The following IFT81 variants were observed in gnomAD, a reference collection of about 807,000 sequenced individuals.
IFT81 encodes the protein intraflagellar transport 81, also known as intraflagellar transport protein 81 homolog.
Under a neutral mutation model 102.6 loss-of-function variants are expected in IFT81, and 72 were observed. That is an observed-to-expected ratio of 0.70 (90% CI 0.58 to 0.85). The LOEUF (loss-of-function observed/expected upper bound fraction) is 0.85. Ranked by LOEUF, IFT81 falls within the 40% of genes least tolerant of loss-of-function variation. The pLI is 0.00. For missense variants in IFT81, 723 were observed against 787.3 expected (o/e 0.92, Z 0.98); for synonymous variants, 237 against 242.7 (o/e 0.98, Z 0.22).
intron 10 of IFT81, among the ~76,000 whole-genome samples, chr12:110,154,628 C>CAAAAAAAAAA (rs201856295): frequency 1.9e-5 from 1 of 53,642 alleles, no homozygotes; most frequent in Non-Finnish European, 4.0e-5. Context: ...CTCTGTCTCA[C>CAAAAAAAAAA]AAAAAAAAAA....
chr12:110,191,000 T>A lies in IFT81; in HGVS notation c.1419T>A (p.Ser473Arg). The change falls in exon 13 of 19, where the codon AGT becomes AGA. Residue 473 changes from serine (S) to arginine (R), a missense_variant. Ser to Arg is a moderately radical substitution (Grantham distance 110, BLOSUM62 -1). Coordinates refer to ENST00000242591, the MANE Select transcript of IFT81 (RefSeq NM_014055.4). The part of the protein sequence containing the change: ...EELERVSALK[S>R]EVDEMKGRTL... ...TAGAAAGAGTATCTGCACTGAAGAG[T>A]GAAGTTGATGAAATGAAAGGACGAA... 6.2e-7 allele frequency: 1 copy of A among 1,608,312 alleles called. No individual in the cohort carries two copies. Among genetic ancestry groups the A allele is most frequent in the Non-Finnish European group, 8.5e-7 (1 of 1,177,620 alleles).
intron 9 of IFT81, among the ~76,000 whole-genome samples, chr12:110,145,253 G>A (rs2137367417): frequency 6.6e-6 from 1 of 151,476 alleles, no homozygotes; most frequent in East Asian, 1.9e-4. Context: ...GCATGGTCTT[G>A]ACCTCCCAGA....
Position 110,135,452 on chromosome 12 carries a change from GT to G in IFT81, c.696+18del. On this transcript the variant is annotated intron_variant, in intron 7 of 18. Transcript: ENST00000242591. ...AAAAGAATCAGGTATCCACATAAAAGTTTATATTCTCAGTATGAAGGAAATA... is the reference window on the plus strand; with the variant it reads ...AAAAGAATCAGGTATCCACATAAAAGTTATATTCTCAGTATGAAGGAAATA... 1 of 1,441,412 alleles carries G rather than the reference GT, an allele frequency of 6.9e-7. No individual in the cohort carries two copies. Among genetic ancestry groups the G allele is most frequent in the Non-Finnish European group, 9.7e-7 (1 of 1,030,488 alleles). The allele number at this position is 1,441,412 out of a possible 1,614,324, so 89.3% of individuals were successfully genotyped here. A position where few individuals can be genotyped will look rare whatever the true frequency, so the allele number is the denominator to read the frequency against.
intron 14 of IFT81, among the ~76,000 whole-genome samples, chr12:110,200,479 A>G (rs575794609): frequency 6.6e-6 from 1 of 152,290 alleles, no homozygotes; most frequent in South Asian, 2.1e-4. Context: ...ACTTACCATG[A>G]ATGGAGCTTG....
intron 4 of IFT81, 74 bp downstream of exon 4, chr12:110,129,204 T>G: frequency 8.9e-7 from 1 of 1,128,040 alleles, no homozygotes; most frequent in Non-Finnish European, 1.3e-6. Flanking sequence ...CATGTTACTC[T>G]TTTTTTATTT....
intron 4 of IFT81, among the ~76,000 whole-genome samples, chr12:110,129,983 C>T (rs1303631354): frequency 6.6e-6 from 1 of 152,120 alleles, no homozygotes; most frequent in Non-Finnish European, 1.5e-5. Context: ...GAGACAGGTG[C>T]CATGTCTTAT....
At chr12:110,196,305 G>A (rs1204219388) in intron 14 of IFT81, among the ~76,000 whole-genome samples, 1 of 152,144 alleles carries the variant, frequency 6.6e-6, no homozygotes, top group Non-Finnish European at 1.5e-5. Flanking sequence ...GATCACTTGA[G>A]GTCAGGAGTT....
At chr12:110,213,094 C>T (rs1869674345) in intron 18 of IFT81, among the ~76,000 whole-genome samples, 1 of 152,056 alleles carries the variant, frequency 6.6e-6, no homozygotes, top group South Asian at 2.1e-4. Flanking sequence ...ATACCATTAT[C>T]CTACCGAAAA....
intron 12 of IFT81, among the ~76,000 whole-genome samples, chr12:110,181,562 A>G (rs925598954): frequency 6.6e-6 from 1 of 152,172 alleles, no homozygotes; most frequent in African/African-American, 2.4e-5. Context: ...TTTCATGTGC[A>G]GTGAAGAGAA....
At chr12:110,182,585 G>A (rs531808804) in intron 12 of IFT81, among the ~76,000 whole-genome samples, 68 of 152,226 alleles carry the variant, frequency 4.5e-4, no homozygotes, top group Middle Eastern at 3.4e-3. Context: ...ATGCCCTAAT[G>A]GATCATCTGA....
At chr12:110,175,132 T>C (rs1024219028) in intron 11 of IFT81, among the ~76,000 whole-genome samples, 4 of 152,270 alleles carry the variant, frequency 2.6e-5, no homozygotes, top group African/African-American at 9.6e-5. Context: ...TAGTTTACTT[T>C]ACTGACAAAT....
intron 7 of IFT81, among the ~76,000 whole-genome samples, chr12:110,136,282 A>G (rs1369105565): frequency 1.3e-5 from 2 of 152,254 alleles, no homozygotes; most frequent in South Asian, 2.1e-4. Flanking sequence ...ACATTAAAAT[A>G]TATTTCACAT....
intron 10 of IFT81, among the ~76,000 whole-genome samples, chr12:110,155,676 A>G (rs1481975584): frequency 6.6e-6 from 1 of 152,170 alleles, no homozygotes; most frequent in Non-Finnish European, 1.5e-5. Context: ...CAATCTATTT[A>G]TATTTAATTA....
intron 10 of IFT81, among the ~76,000 whole-genome samples, chr12:110,147,355 G>T (rs1241960004): frequency 6.6e-6 from 1 of 152,118 alleles, no homozygotes; most frequent in Admixed American, 6.6e-5. Flanking sequence ...ACCTTAGGTG[G>T]TATAAATAAA....
At chr12:110,195,905 G>A (rs1897979289) in intron 14 of IFT81, among the ~76,000 whole-genome samples, 1 of 152,084 alleles carries the variant, frequency 6.6e-6, no homozygotes, top group African/African-American at 2.4e-5. Flanking sequence ...CAATCTTCTA[G>A]GGTTAAATGT....
intron 14 of IFT81, among the ~76,000 whole-genome samples, chr12:110,196,536 A>G (rs1048276753): frequency 2.6e-5 from 4 of 152,116 alleles, no homozygotes; most frequent in Non-Finnish European, 4.4e-5. Context: ...AGAGAAAACA[A>G]ACAAAATCTT....
Position 110,178,427 on chromosome 12 carries a change from AAAAG to A in IFT81, c.1189-1983_1189-1980del, listed in dbSNP as rs1353367493. Among the ~76,000 whole-genome samples, 31 of 151,538 alleles carry A rather than the reference AAAAG, an allele frequency of 2.0e-4. No homozygotes were observed. The East Asian group carries it at 5.9e-3, about 29-fold the overall frequency. On this transcript the variant is annotated intron_variant, in intron 11 of 18. Coordinates refer to ENST00000242591, the MANE Select transcript of IFT81 (RefSeq NM_014055.4). Reference sequence around the variant, plus strand: ...AAGACTCCATCTCAAAAAAAAAAAAAAAAGAAAGAAAGAAAAATACCAATATGGT... The same window carrying A: ...AAGACTCCATCTCAAAAAAAAAAAAAAAAGAAAGAAAAATACCAATATGGT...
intron 10 of IFT81, among the ~76,000 whole-genome samples, chr12:110,153,321 G>A (rs1895647633): frequency 6.6e-6 from 1 of 151,726 alleles, no homozygotes; most frequent in Non-Finnish European, 1.5e-5. Flanking sequence ...CGCAACCTCC[G>A]CCTCCCAGGT....
chr12:110,177,698 A>G (rs1308351248), intron 11 of IFT81, among the ~76,000 whole-genome samples: 1 of 152,254 alleles, frequency 6.6e-6, no homozygotes, highest in African/African-American at 2.4e-5. Context: ...TTGTATACTC[A>G]GGAATCAAGT....
Sources: allele counts gnomAD v4.1 joint callset (sites outside exome capture counted in the v4.1 genomes callset), GRCh38; gene constraint gnomAD v4.1.1; transcripts MANE v1.5; gene names NCBI Gene and HGNC (gene_info 2026-07-23, HGNC 2026-07-21).